The following CRPPA variants were observed in gnomAD, a reference collection of about 807,000 sequenced individuals.
The protein encoded by CRPPA is D-ribitol-5-phosphate cytidylyltransferase.
A neutral mutation model predicts 52.0 loss-of-function variants in CRPPA; 43 were observed. The ratio of observed to expected loss-of-function variants is 0.83; its 90% CI spans 0.65 to 1.07. The LOEUF is 1.07. Ranked by LOEUF, CRPPA falls within the 50% of genes least tolerant of loss-of-function variation. CRPPA has a pLI of 0.00. For synonymous variants in CRPPA, 250 were observed against 203.5 expected, an observed-to-expected ratio of 1.23 and a Z score of -1.94; for missense variants, 629 against 551.7, an observed-to-expected ratio of 1.14 and a Z score of -1.40.
chr7:16,255,454 A>T (rs1783612440), intron 8 of CRPPA, among the ~76,000 whole-genome samples: 1 of 152,190 alleles, frequency 6.6e-6, no homozygotes, highest in Non-Finnish European at 1.5e-5. Context: ...TAAAGTTCAT[A>T]TGGAACCAAA....
At chr7:16,232,932 A>G (rs1782845981) in intron 8 of CRPPA, among the ~76,000 whole-genome samples, 1 of 152,192 alleles carries the variant, frequency 6.6e-6, no homozygotes, top group Non-Finnish European at 1.5e-5. Flanking sequence ...TAAAACAGTT[A>G]TTAAAACTAT....
chr7:16,370,154 G>T lies in CRPPA; in HGVS notation c.684+5938C>A, dbSNP rs544135770. Among the ~76,000 whole-genome samples the T allele has an allele frequency of 7.2e-5, 11 of 152,312 alleles. 1 individual carries two copies. The South Asian group carries it at 1.7e-3, about 23-fold the overall frequency. On this transcript the variant is annotated intron_variant, in intron 3 of 9. Transcript: ENST00000407010. Reference sequence around the variant, plus strand: ...TAGCCAATGAACTCAGGGAGGGGTTGCAGGGTGAAAGAAGCTCACAACTGA... The same window carrying T: ...TAGCCAATGAACTCAGGGAGGGGTTTCAGGGTGAAAGAAGCTCACAACTGA...
chr7:16,379,711 T>G (rs1397558985), intron 2 of CRPPA, among the ~76,000 whole-genome samples: 1 of 152,222 alleles, frequency 6.6e-6, no homozygotes. Flanking sequence ...TTCACATCCC[T>G]TGTAAGTTGG....
Position 16,244,802 on chromosome 7 carries a change from G to A in CRPPA, c.1119+13588C>T, listed in dbSNP as rs573654117. ...AGACCCTTGTATAAGAAAAAGAACC[G>A]TTGTAAACCATTGCAAATCTCAGCC... On this transcript the variant is annotated intron_variant, in intron 8 of 9. Transcript: ENST00000407010. Among the ~76,000 whole-genome samples, 57 of 152,224 alleles carry A rather than the reference G, an allele frequency of 3.7e-4. No individual in the cohort carries two copies. The East Asian group carries it at 7.0e-3, about 19-fold the overall frequency.
At chr7:16,323,789 C>T (rs1056779657) in intron 3 of CRPPA, among the ~76,000 whole-genome samples, 6 of 152,062 alleles carry the variant, frequency 3.9e-5, no homozygotes, top group African/African-American at 1.2e-4. Context: ...TAAAAAACTA[C>T]AGATACAGGA....
chr7:16,258,594 C>T (rs1057177163), intron 7 of CRPPA, 112 bp from the exon 8 acceptor site: 1 of 645,750 alleles, frequency 1.5e-6, no homozygotes, highest in East Asian at 3.0e-5. Flanking sequence ...ATTTATCAAA[C>T]TTAGTTTTTA....
chr7:16,148,493 A>G (rs1783016405), intron 9 of CRPPA, among the ~76,000 whole-genome samples: 1 of 152,176 alleles, frequency 6.6e-6, no homozygotes, highest in South Asian at 2.1e-4. Context: ...AGAAGCATGG[A>G]TGAACCTCGA....
At chr7:16,221,755 CA>C (rs1157517707) in intron 8 of CRPPA, among the ~76,000 whole-genome samples, 1 of 151,884 alleles carries the variant, frequency 6.6e-6, no homozygotes, top group Non-Finnish European at 1.5e-5. Context: ...GATACCATCT[CA>C]CACCAGTTAG....
At chr7:16,367,879 T>C (rs1461663379) in intron 3 of CRPPA, among the ~76,000 whole-genome samples, 4 of 152,208 alleles carry the variant, frequency 2.6e-5, no homozygotes, top group Non-Finnish European at 1.5e-5. Context: ...AAATATTACA[T>C]GTCTCCATCG....
intron 9 of CRPPA, among the ~76,000 whole-genome samples, chr7:16,150,606 A>G (rs1783059287): frequency 6.6e-6 from 1 of 152,216 alleles, no homozygotes; most frequent in African/African-American, 2.4e-5. Flanking sequence ...ACGATATAAG[A>G]AAAAATGAGT....
intron 1 of CRPPA, among the ~76,000 whole-genome samples, chr7:16,410,514 T>C (rs1264317167): frequency 6.6e-6 from 1 of 152,150 alleles, no homozygotes; most frequent in Non-Finnish European, 1.5e-5. Context: ...ATCTCTACCA[T>C]AATTTACTGC....
intron 9 of CRPPA, among the ~76,000 whole-genome samples, chr7:16,154,525 C>T (rs765139240): frequency 5.9e-5 from 9 of 151,766 alleles, no homozygotes; most frequent in African/African-American, 1.9e-4. Flanking sequence ...ATATATACTC[C>T]GAGTAATAAA....
intron 5 of CRPPA, among the ~76,000 whole-genome samples, chr7:16,282,084 A>G (rs73294885): frequency 0.045 from 6,817 of 151,806 alleles, 239 homozygotes; most frequent in East Asian, 0.16. Context: ...TCTTCCTTCC[A>G]CTATCTTTTG....
intron 9 of CRPPA, among the ~76,000 whole-genome samples, chr7:16,151,363 C>G (rs953605144): frequency 1.3e-5 from 2 of 152,004 alleles, no homozygotes; most frequent in African/African-American, 4.8e-5. Context: ...AAATTGACCT[C>G]AGGCTCAAAA....
At chr7:16,394,299 G>C (rs1256842989) in intron 2 of CRPPA, among the ~76,000 whole-genome samples, 2 of 152,092 alleles carry the variant, frequency 1.3e-5, no homozygotes, top group Non-Finnish European at 2.9e-5. Context: ...ACAAACTATA[G>C]CTGAGTAGAC....
intron 9 of CRPPA, among the ~76,000 whole-genome samples, chr7:16,108,679 T>C (rs1782202036): frequency 2.0e-5 from 3 of 151,876 alleles, no homozygotes; most frequent in Admixed American, 6.6e-5. Context: ...AGATGAAATA[T>C]TCTCCGGGAT....
chr7:16,258,990 G>C lies in CRPPA; in HGVS notation c.956C>G (p.Ala319Gly). The change falls in exon 7 of 10, where the codon GCT becomes GGT. Residue 319 changes from alanine (A) to glycine (G), a missense_variant. By Grantham distance (60) the Ala-to-Gly change is moderately conservative. Coordinates refer to ENST00000407010, the MANE Select transcript of CRPPA (RefSeq NM_001101426.4). ...ELNHVKVTSE[A>G]LGHAGRHLQQ... ...AAGATGTCTGCCAGCATGACCCAGA[G>C]CCTCAGATGTGACTTTTACATGCTA... is the stretch of plus-strand genomic sequence containing the variant. The C allele has an allele frequency of 1.9e-6, 3 of 1,610,216 alleles. No homozygotes were observed. Among genetic ancestry groups the C allele is most frequent in the Non-Finnish European group, 1.7e-6 (2 of 1,177,892 alleles).
At chr7:16,304,945 CA>C (rs1159249869) in intron 4 of CRPPA, among the ~76,000 whole-genome samples, 1 of 152,144 alleles carries the variant, frequency 6.6e-6, no homozygotes, top group African/African-American at 2.4e-5. Context: ...ATGGCCATGC[CA>C]TCTGAGTCCA....
At chr7:16,145,006 G>T (rs1050679099) in intron 9 of CRPPA, among the ~76,000 whole-genome samples, 3 of 152,144 alleles carry the variant, frequency 2.0e-5, no homozygotes, top group Non-Finnish European at 2.9e-5. Context: ...AAGCCTCCAG[G>T]CTTATCTTGG....
Sources: gnomAD v4.1 joint callset for allele counts (sites outside exome capture counted in the v4.1 genomes callset) on GRCh38, gnomAD v4.1.1 for gene constraint, MANE v1.5 for transcripts, NCBI Gene and HGNC (gene_info 2026-07-23, HGNC 2026-07-21) for gene names.